Variants in PRH1 observed in about 807,000 individuals in gnomAD.
PRH1 encodes the protein proline rich protein HaeIII subfamily 1.
A neutral mutation model predicts 7.9 loss-of-function variants in PRH1; 7 were observed. The observed-to-expected ratio is 0.89, with a 90% CI of 0.50 to 1.67. The LOEUF (loss-of-function observed/expected upper bound fraction) is 1.67, where lower values mean the gene tolerates loss of function less well. Ranked by LOEUF, PRH1 falls within the 40% of genes most tolerant of loss-of-function variation. The pLI is 0.00. For synonymous variants in PRH1, 45 were observed against 80.8 expected (o/e 0.56, Z 2.38); for missense variants, 109 against 223.6 (o/e 0.49, Z 3.27).
At chr12:11,148,405 TATG>T (rs1185472083) in intron 1 of PRH1, among the ~76,000 whole-genome samples, 2 of 148,022 alleles carry the variant, frequency 1.4e-5, no homozygotes, top group Non-Finnish European at 3.0e-5. Flanking sequence ...GCCCATTCAG[TATG>T]ATATTGGCTG....
intron 1 of PRH1, among the ~76,000 whole-genome samples, chr12:11,108,950 G>A (rs1945509308): frequency 6.6e-6 from 1 of 152,208 alleles, no homozygotes; most frequent in Admixed American, 6.5e-5. Context: ...TTAGCAGTCT[G>A]AAGTCAACCT....
rs114155243 is a variant in PRH1 at position 11,017,853 on chromosome 12, C to T, written c.-126+29167G>A. ...ACTTCCTATCACTAAAAGAGAAGCA[C>T]GGCGTTTATTGAGCCTCTAGGGATT... is the stretch of plus-strand genomic sequence containing the variant. On this transcript the variant is annotated intron_variant, in intron 1 of 3. Transcript: ENST00000539853. 9.3e-4 allele frequency among the ~76,000 whole-genome samples: 141 copies of T among 152,170 alleles called. 1 individual carries two copies. Among genetic ancestry groups the T allele is most frequent in the African/African-American group, 2.7e-3 (113 of 41,518 alleles).
Position 11,082,506 on chromosome 12 carries a change from A to T in PRH1, n.124-35318T>A, listed in dbSNP as rs139483870. On this transcript the variant is annotated intron_variant and non_coding_transcript_variant, in intron 1 of 4. Coordinates refer to the PRH1 transcript ENST00000541977. ...TTTTTTGTAGAGATGGGGTTTCATCATGTTGGCCAGGCTGGTCTGGAACTC... is the reference window on the plus strand; with the variant it reads ...TTTTTTGTAGAGATGGGGTTTCATCTTGTTGGCCAGGCTGGTCTGGAACTC... Among the ~76,000 whole-genome samples, 5 of 113,224 alleles carry T rather than the reference A, an allele frequency of 4.4e-5. 1 individual carries two copies. Among genetic ancestry groups the T allele is most frequent in the Non-Finnish European group, 1.0e-4 (5 of 48,256 alleles). The allele number at this position is 113,224 out of a possible 152,430, so 74.3% of individuals were successfully genotyped here.
intron 1 of PRH1, among the ~76,000 whole-genome samples, chr12:11,005,716 C>T (rs544402627): frequency 4.3e-4 from 65 of 152,154 alleles, no homozygotes; most frequent in South Asian, 2.5e-3. Flanking sequence ...TCAGGCAAGT[C>T]GTCCAGGTTG....
chr12:11,003,730 T>C (rs1057248124), intron 1 of PRH1, among the ~76,000 whole-genome samples: 1 of 151,988 alleles, frequency 6.6e-6, no homozygotes, highest in African/African-American at 2.4e-5. Context: ...TACAAAAATA[T>C]TCTTGCAAAT....
chr12:11,146,644 A>T (rs1355231688), intron 1 of PRH1, among the ~76,000 whole-genome samples: 1 of 152,134 alleles, frequency 6.6e-6, no homozygotes, highest in Non-Finnish European at 1.5e-5. Flanking sequence ...TTTCAGATAA[A>T]ATCCTCACCT....
At chr12:11,112,823 T>G (rs1037448244) in intron 1 of PRH1, among the ~76,000 whole-genome samples, 1 of 151,998 alleles carries the variant, frequency 6.6e-6, no homozygotes, top group African/African-American at 2.4e-5. Context: ...GAGAAAGAAA[T>G]AAAGGGTATT....
At chr12:11,112,736 G>A (rs946481626) in intron 1 of PRH1, among the ~76,000 whole-genome samples, 2 of 151,946 alleles carry the variant, frequency 1.3e-5, no homozygotes, top group South Asian at 2.1e-4. Context: ...TTTGAAAATC[G>A]GCACAAAACA....
At chr12:11,120,253 G>A (rs1280232279), downstream of PRH1, among the ~76,000 whole-genome samples, 2 of 152,176 alleles carry the variant, frequency 1.3e-5, no homozygotes, top group East Asian at 3.8e-4. Flanking sequence ...AATGTGTTTT[G>A]TTGCTATTTC....
At chr12:11,153,451 T>C (rs1306086399) in intron 1 of PRH1, among the ~76,000 whole-genome samples, 3 of 152,108 alleles carry the variant, frequency 2.0e-5, no homozygotes, top group Non-Finnish European at 4.4e-5. Context: ...AAAAAAGAAA[T>C]AGGAACTTAA....
chr12:10,983,182 C>T (rs569822610), intron 1 of PRH1, among the ~76,000 whole-genome samples: 2 of 152,268 alleles, frequency 1.3e-5, no homozygotes, highest in African/African-American at 4.8e-5. Flanking sequence ...AAACTCCTAG[C>T]GAATTAGTGG....
At chr12:11,097,090 G>T (rs1276188284) in intron 1 of PRH1, 2 of 142,074 alleles carry the variant, frequency 1.4e-5, no homozygotes, top group South Asian at 1.5e-4. Flanking sequence ...GAGCCACCGC[G>T]CCTGCCCTAT....
chr12:10,965,099 A>G (rs1030958610), intron 2 of PRH1: 4 of 1,286,918 alleles, frequency 3.1e-6, no homozygotes, highest in Admixed American at 1.8e-5. Context: ...CCAGGCATTA[A>G]TAGTAGTAAT....
At position 11,080,631 on chromosome 12, in the gene PRH1, C is replaced by T. The variant is rs1402366067; in HGVS notation, n.124-33443G>A. ...ATTTGCATATATCTTATCGATTATA[C>T]ATTCAATCCAGGAAGACACTATTTT... On this transcript the variant is annotated intron_variant and non_coding_transcript_variant, in intron 1 of 4. Transcript: ENST00000541977. Among the ~76,000 whole-genome samples the T allele has an allele frequency of 2.4e-4, 17 of 70,804 alleles. 4 individuals carry two copies. The highest frequency in any genetic ancestry group is 6.7e-4 in the African/African-American group (17 of 25,488). 46.5% of individuals were successfully genotyped at this position (70,804 alleles called of 152,430 possible). A position where few individuals can be genotyped will look rare whatever the true frequency, so the allele number is the denominator to read the frequency against.
At position 10,949,211 on chromosome 12, in the gene PRH1, A is replaced by G. The variant is rs1271746415; in HGVS notation, c.-59+24444T>C. On this transcript the variant is annotated intron_variant, in intron 2 of 3. Coordinates refer to the PRH1 transcript ENST00000539853. Reference sequence around the variant, plus strand: ...AACCTCTGGGGGTTCCATCCCAGAGAGATGCAGGTCAGCAAACACTCAGTG... The same window carrying G: ...AACCTCTGGGGGTTCCATCCCAGAGGGATGCAGGTCAGCAAACACTCAGTG... Among the ~76,000 whole-genome samples the G allele has an allele frequency of 2.6e-5, 4 of 152,156 alleles. No homozygotes were observed. The East Asian group carries it at 7.7e-4, about 29-fold the overall frequency.
intron 1 of PRH1, among the ~76,000 whole-genome samples, chr12:11,032,212 C>A (rs1942254388): frequency 6.6e-6 from 1 of 152,166 alleles, no homozygotes; most frequent in Admixed American, 6.5e-5. Flanking sequence ...GTAACCTCTC[C>A]ATCATTTATC....
chr12:10,951,360 T>A (rs996990622), intron 2 of PRH1, among the ~76,000 whole-genome samples: 1 of 152,210 alleles, frequency 6.6e-6, no homozygotes, highest in Non-Finnish European at 1.5e-5. Flanking sequence ...AGCTTGATCA[T>A]AACTTGTATC....
intron 1 of PRH1, among the ~76,000 whole-genome samples, chr12:11,036,019 G>C (rs559774060): frequency 6.6e-6 from 1 of 152,076 alleles, no homozygotes; most frequent in African/African-American, 2.4e-5. Flanking sequence ...TCAGCCTCCG[G>C]AGTAGCTGGG....
At chr12:10,953,150 C>T (rs79738015) in intron 2 of PRH1, among the ~76,000 whole-genome samples, 2 of 151,762 alleles carry the variant, frequency 1.3e-5, no homozygotes, top group East Asian at 3.9e-4. Flanking sequence ...ATGGCAACTT[C>T]GAAGACTGAA....
Sources: allele counts gnomAD v4.1 joint callset (sites outside exome capture counted in the v4.1 genomes callset), GRCh38; gene constraint gnomAD v4.1.1; transcripts MANE v1.5; gene names NCBI Gene and HGNC (gene_info 2026-07-23, HGNC 2026-07-21).